SLC35G2: variants seen among roughly 807,000 people sequenced by gnomAD.
SLC35G2 encodes solute carrier family 35 member G2, also known as transmembrane protein 22.
A neutral mutation model predicts 27.2 loss-of-function variants in SLC35G2; 20 were observed. That is an observed-to-expected ratio of 0.74 (90% CI 0.52 to 1.07). The LOEUF (loss-of-function observed/expected upper bound fraction) is 1.07. Among genes scored for constraint, SLC35G2 ranks in the 50% least tolerant of loss-of-function variants. SLC35G2 has a pLI of 0.00. For synonymous variants in SLC35G2, 148 were observed against 165.3 expected, an observed-to-expected ratio of 0.90 and a Z score of 0.80; for missense variants, 416 against 493.3, an observed-to-expected ratio of 0.84 and a Z score of 1.48.
At chr3:136,848,218 A>G (rs954683091) in intron 1 of SLC35G2, among the ~76,000 whole-genome samples, 3 of 152,232 alleles carry the variant, frequency 2.0e-5, no homozygotes, top group African/African-American at 7.2e-5. Context: ...TTATTTATCA[A>G]CACATTTACA....
At chr3:136,829,553 T>A (rs1381628410) in intron 1 of SLC35G2, among the ~76,000 whole-genome samples, 2 of 152,198 alleles carry the variant, frequency 1.3e-5, no homozygotes, top group African/African-American at 4.8e-5. Flanking sequence ...TGATTAATGT[T>A]CTTTTCTTTC....
chr3:136,823,367 T>A (rs572597597), intron 1 of SLC35G2, among the ~76,000 whole-genome samples: 1 of 152,312 alleles, frequency 6.6e-6, no homozygotes, highest in African/African-American at 2.4e-5. Flanking sequence ...GGTTGTCTTT[T>A]CACTTTGCTG....
At position 136,822,006 on chromosome 3, in the gene SLC35G2, G is replaced by A. The variant is rs1936469501; in HGVS notation, c.-19+2378G>A. Among the ~76,000 whole-genome samples the A allele has an allele frequency of 2.0e-5, 3 of 151,708 alleles. 1 individual carries two copies. Among genetic ancestry groups the A allele is most frequent in the South Asian group, 4.2e-4 (2 of 4,796 alleles). On this transcript the variant is annotated intron_variant, in intron 1 of 1. Transcript: ENST00000446465. ...GGTACATAGGTATATATATATTTAC[G>A]GGGTACATGAGATGTTTTGATATAG...
intron 1 of SLC35G2, among the ~76,000 whole-genome samples, chr3:136,844,813 A>AG (rs1395866284): frequency 1.3e-5 from 2 of 151,150 alleles, no homozygotes; most frequent in Non-Finnish European, 2.9e-5. Flanking sequence ...AAAAAAAAAA[A>AG]AAAAAAAAAG....
In SLC35G2 at chr3:136,838,246, C is replaced by CATATATATATATATAT. The variant is rs6148084; in HGVS notation, c.-18-16175_-18-16160dup. Reference sequence around the variant, plus strand: ...CTCTTCAATTTTGCAGTAGCATATACATATATATATATATATATATATATA... The same window carrying CATATATATATATATAT: ...CTCTTCAATTTTGCAGTAGCATATACATATATATATATATATATATATATATATATATATATATATA... On this transcript the variant is annotated intron_variant, in intron 1 of 1. Transcript: ENST00000446465. 115 of 140,956 alleles carry CATATATATATATATAT rather than the reference C, an allele frequency of 8.2e-4. 1 individual carries two copies. The highest frequency in any genetic ancestry group is 2.9e-3 in the African/African-American group (107 of 37,310). 8.7% of individuals were successfully genotyped at this position (140,956 alleles called of 1,614,324 possible). A position where few individuals can be genotyped will look rare whatever the true frequency, so the allele number is the denominator to read the frequency against.
At chr3:136,851,990 T>C in intron 1 of SLC35G2, among the ~76,000 whole-genome samples, 1 of 152,160 alleles carries the variant, frequency 6.6e-6, no homozygotes, top group Middle Eastern at 3.2e-3. Context: ...ACAGTAAGAT[T>C]AGTGACCAAA....
chr3:136,839,891 C>T (rs1022757769), intron 1 of SLC35G2, among the ~76,000 whole-genome samples: 1 of 152,028 alleles, frequency 6.6e-6, no homozygotes, highest in Non-Finnish European at 1.5e-5. Flanking sequence ...TGTCTTCTTA[C>T]CTCCCCTCAT....
chr3:136,853,985 A>G (rs1937821282), intron 1 of SLC35G2, among the ~76,000 whole-genome samples: 1 of 152,216 alleles, frequency 6.6e-6, no homozygotes, highest in African/African-American at 2.4e-5. Flanking sequence ...ATAATTTATA[A>G]GGTGAATTCT....
chr3:136,849,497 T>C (rs1937544198), intron 1 of SLC35G2, among the ~76,000 whole-genome samples: 1 of 151,816 alleles, frequency 6.6e-6, no homozygotes, highest in Non-Finnish European at 1.5e-5. Flanking sequence ...TTTTATTTAT[T>C]TTTATTTTTT....
chr3:136,837,404 G>C (rs1037277658), intron 1 of SLC35G2: 1 of 152,064 alleles, frequency 6.6e-6, no homozygotes, highest in Non-Finnish European at 1.5e-5. Context: ...GATGAAAATA[G>C]CTTGATTTTT....
intron 1 of SLC35G2, among the ~76,000 whole-genome samples, chr3:136,839,462 T>G (rs530090739): frequency 6.6e-6 from 1 of 152,312 alleles, no homozygotes; most frequent in East Asian, 1.9e-4. Flanking sequence ...CAGTTAACCT[T>G]TTCCTTTCCT....
intron 1 of SLC35G2, among the ~76,000 whole-genome samples, chr3:136,832,494 C>A (rs1936754668): frequency 6.6e-6 from 1 of 152,184 alleles, no homozygotes. Context: ...TAATTTCCTT[C>A]CTTTAATGTG....
At chr3:136,845,132 T>G (rs1222122346) in intron 1 of SLC35G2, among the ~76,000 whole-genome samples, 1 of 152,254 alleles carries the variant, frequency 6.6e-6, no homozygotes, top group Non-Finnish European at 1.5e-5. Context: ...ATATCATTTT[T>G]GTAAGAAAAA....
chr3:136,823,363 C>A (rs1936505334), intron 1 of SLC35G2, among the ~76,000 whole-genome samples: 2 of 152,124 alleles, frequency 1.3e-5, no homozygotes, highest in Admixed American at 6.6e-5. Flanking sequence ...TGTGGGTTGT[C>A]TTTTCACTTT....
chr3:136,853,919 G>A (rs534340323), intron 1 of SLC35G2, among the ~76,000 whole-genome samples: 1 of 152,232 alleles, frequency 6.6e-6, no homozygotes, highest in African/African-American at 2.4e-5. Flanking sequence ...TAATTTCAGT[G>A]TATTTTTATA....
intron 1 of SLC35G2, among the ~76,000 whole-genome samples, chr3:136,829,954 A>T (rs1576889270): frequency 6.6e-6 from 1 of 151,430 alleles, no homozygotes; most frequent in East Asian, 1.9e-4. Flanking sequence ...TTGAACGTTG[A>T]TCTCTTTCTC....
chr3:136,851,207 A>G (rs1306506233), intron 1 of SLC35G2, among the ~76,000 whole-genome samples: 2 of 150,858 alleles, frequency 1.3e-5, no homozygotes, highest in East Asian at 4.0e-4. Flanking sequence ...AAAGATGAAC[A>G]ATGTTGGCCG....
At chr3:136,853,948 G>T in intron 1 of SLC35G2, among the ~76,000 whole-genome samples, 1 of 152,080 alleles carries the variant, frequency 6.6e-6, no homozygotes, top group Middle Eastern at 3.2e-3. Flanking sequence ...CTTATGGGGA[G>T]TCCAGAATAA....
At chr3:136,847,402 G>A (rs908715674) in intron 1 of SLC35G2, among the ~76,000 whole-genome samples, 3 of 152,116 alleles carry the variant, frequency 2.0e-5, no homozygotes, top group Non-Finnish European at 2.9e-5. Context: ...ACATTTGGAT[G>A]CTTGCAACCA....
Sources: gnomAD v4.1 joint callset for allele counts (sites outside exome capture counted in the v4.1 genomes callset) on GRCh38, gnomAD v4.1.1 for gene constraint, MANE v1.5 for transcripts, NCBI Gene and HGNC (gene_info 2026-07-23, HGNC 2026-07-21) for gene names.